Variants in CXADR observed in about 807,000 individuals in gnomAD.
CXADR encodes the protein CXADR cell adhesion molecule.
Under a neutral mutation model 40.3 loss-of-function variants are expected in CXADR, and 20 were observed. The observed-to-expected ratio is 0.50, with a 90% CI of 0.35 to 0.72. CXADR has a LOEUF of 0.72. Ranked by LOEUF, CXADR falls within the 30% of genes least tolerant of loss-of-function variation. CXADR has a pLI of 0.01. For synonymous variants in CXADR, 150 were observed against 161.3 expected, an observed-to-expected ratio of 0.93 and a Z score of 0.53; for missense variants, 332 against 449.1, an observed-to-expected ratio of 0.74 and a Z score of 2.36.
intron 7 of CXADR, chr21:17,593,014 G>A: frequency 1.5e-6 from 1 of 670,186 alleles, no homozygotes; most frequent in Admixed American, 4.5e-5. Flanking sequence ...TGATTTTTCT[G>A]GTAAGTCAAA....
chr21:17,594,089 G>A (rs754020311), downstream of CXADR: 22 of 1,611,322 alleles, frequency 1.4e-5, no homozygotes, highest in African/African-American at 4.0e-5. Context: ...AATCAAAAAC[G>A]AAGTTAGTGA....
At chr21:17,620,128 C>G in the CXADR span, among the ~76,000 whole-genome samples, 2 of 152,232 alleles carry the variant, frequency 1.3e-5, no homozygotes, top group African/African-American at 4.8e-5. Flanking sequence ...ACTTGGCTGA[C>G]GAGTTGGCAC....
intron 6 of CXADR, among the ~76,000 whole-genome samples, chr21:17,564,018 A>G (rs1420128468): frequency 6.8e-6 from 1 of 146,216 alleles, no homozygotes; most frequent in Non-Finnish European, 1.6e-5. Flanking sequence ...TTGTAAAGAA[A>G]AAACAAAACA....
At chr21:17,561,597 C>A in intron 6 of CXADR, 121 bp downstream of exon 6, 1 of 792,496 alleles carries the variant, frequency 1.3e-6, no homozygotes, top group Non-Finnish European at 1.9e-6. Context: ...AAAGCTCTGG[C>A]CGCCTTCTCA....
At chr21:17,518,684 G>C in intron 1 of CXADR, 1 of 1,610,018 alleles carries the variant, frequency 6.2e-7, no homozygotes. Context: ...TCAGCACCAA[G>C]CTGACTTAAT....
chr21:17,529,284 G>T (rs1176330113), intron 1 of CXADR, among the ~76,000 whole-genome samples: 1 of 151,412 alleles, frequency 6.6e-6, no homozygotes, highest in East Asian at 1.9e-4. Context: ...ACCCGCCTCG[G>T]CCTTCCAAAG....
At chr21:17,534,051 T>C (rs1424851367) in intron 1 of CXADR, among the ~76,000 whole-genome samples, 4 of 123,498 alleles carry the variant, frequency 3.2e-5, no homozygotes, top group Non-Finnish European at 6.7e-5. Context: ...TATATACACA[T>C]ATATATAGCT....
At chr21:17,583,001 A>C (rs931884341) in intron 7 of CXADR, among the ~76,000 whole-genome samples, 3 of 152,196 alleles carry the variant, frequency 2.0e-5, no homozygotes, top group African/African-American at 7.2e-5. Context: ...TTCTGGGAGG[A>C]GAGAACGTGA....
intron 2 of CXADR, among the ~76,000 whole-genome samples, chr21:17,548,689 A>T (rs1183399271): frequency 6.6e-5 from 10 of 152,336 alleles, no homozygotes; most frequent in South Asian, 2.1e-4. Flanking sequence ...GAAGCTTGTG[A>T]CCAGGTGCAT....
the CXADR span, among the ~76,000 whole-genome samples, chr21:17,607,389 C>CA: frequency 4.4e-3 from 647 of 145,720 alleles, 7 homozygotes; most frequent in African/African-American, 0.015. Context: ...TGAAAATATG[C>CA]AAAAAAAAAA....
At chr21:17,626,802 C>G in the CXADR span, 2 of 152,100 alleles carry the variant, frequency 1.3e-5, no homozygotes, top group African/African-American at 2.4e-5. Context: ...GAATTAATGA[C>G]AAAAGCTGTG....
chr21:17,622,284 C>G, the CXADR span, among the ~76,000 whole-genome samples: 5 of 152,130 alleles, frequency 3.3e-5, no homozygotes, highest in African/African-American at 9.7e-5. Context: ...CCACCCCACC[C>G]CAGCCCAGGA....
intron 1 of CXADR, among the ~76,000 whole-genome samples, chr21:17,536,302 T>C (rs952708844): frequency 6.6e-6 from 1 of 152,230 alleles, no homozygotes; most frequent in East Asian, 1.9e-4. Flanking sequence ...TTTGCTAACA[T>C]TTCTCATCAA....
intron 6 of CXADR, among the ~76,000 whole-genome samples, chr21:17,565,150 A>G (rs985924162): frequency 1.3e-5 from 2 of 152,214 alleles, no homozygotes; most frequent in Non-Finnish European, 1.5e-5. Flanking sequence ...GTAAGACAAC[A>G]TTCTAGAATC....
Position 17,567,024 on chromosome 21 carries a change from A to T in CXADR, c.*1332A>T. On this transcript the variant is annotated 3_prime_UTR_variant, in exon 7 of 7. Transcript: ENST00000284878. ...ACTACTCCTCCTTGCCAAATGTGCT[A>T]AATATCATTTTAGGAGAAGAAAGTG... The T allele has an allele frequency of 1.0e-6, 1 of 981,738 alleles. No homozygotes were observed. The highest frequency in any genetic ancestry group is 1.2e-6 in the Non-Finnish European group (1 of 826,624). The allele number at this position is 981,738 out of a possible 1,614,324, so 60.8% of individuals were successfully genotyped here.
At chr21:17,577,827 C>CACTCTCTGCTTCTCCT (rs1165212148) in intron 7 of CXADR, among the ~76,000 whole-genome samples, 4 of 152,086 alleles carry the variant, frequency 2.6e-5, no homozygotes, top group African/African-American at 9.6e-5. Flanking sequence ...TTTCTCCTGG[C>CACTCTCTGCTTCTCCT]ACTCTCTGCT....
chr21:17,606,211 C>T, the CXADR span, among the ~76,000 whole-genome samples: 1 of 151,966 alleles, frequency 6.6e-6, no homozygotes, highest in Admixed American at 6.5e-5. Context: ...ATACTTTTTT[C>T]CTCAGCATAA....
the CXADR span, among the ~76,000 whole-genome samples, chr21:17,629,824 T>C: frequency 8.4e-6 from 1 of 119,600 alleles, no homozygotes; most frequent in Admixed American, 7.8e-5. Context: ...AACAAACAAA[T>C]AAGCAAATAA....
chr21:17,513,204 G>T, intron 1 of CXADR, 32 bp downstream of exon 1: 1 of 1,350,932 alleles, frequency 7.4e-7, no homozygotes, highest in Non-Finnish European at 9.5e-7. Flanking sequence ...CTCAGCACCC[G>T]CCCAGCCCGG....
Sources: gnomAD v4.1 joint callset for allele counts (sites outside exome capture counted in the v4.1 genomes callset) on GRCh38, gnomAD v4.1.1 for gene constraint, MANE v1.5 for transcripts, NCBI Gene and HGNC (gene_info 2026-07-23, HGNC 2026-07-21) for gene names.